The following PDE4D variants were observed in gnomAD, a reference collection of about 807,000 sequenced individuals.
PDE4D encodes phosphodiesterase 4D, also known as 3',5'-cyclic-AMP phosphodiesterase 4D.
PDE4D carries 24 observed loss-of-function variants against 87.4 expected under a neutral mutation model. That is an observed-to-expected ratio of 0.27 (90% CI 0.20 to 0.39). The LOEUF is 0.39. PDE4D is among the 10% of genes least tolerant of loss of function. PDE4D has a pLI of 1.00. For missense variants in PDE4D, 714 were observed against 1,041.0 expected, an observed-to-expected ratio of 0.69 and a Z score of 4.32; for synonymous variants, 384 against 383.2, an observed-to-expected ratio of 1.00 and a Z score of -0.02.
intron 1 of PDE4D, among the ~76,000 whole-genome samples, chr5:59,649,646 A>G (rs1429714338): frequency 6.6e-6 from 1 of 151,822 alleles, no homozygotes; most frequent in Non-Finnish European, 1.5e-5. Context: ...CGAAACAGGA[A>G]TAGTACCTTC....
chr5:59,755,243 G>A (rs1761054582), intron 1 of PDE4D, among the ~76,000 whole-genome samples: 1 of 152,056 alleles, frequency 6.6e-6, no homozygotes, highest in Non-Finnish European at 1.5e-5. Flanking sequence ...CAGACCTCAG[G>A]CTCAGAGTCT....
intron 1 of PDE4D, among the ~76,000 whole-genome samples, chr5:59,551,814 C>T (rs1046286118): frequency 3.9e-5 from 6 of 152,110 alleles, no homozygotes; most frequent in African/African-American, 1.2e-4. Flanking sequence ...TTAGTTAAGA[C>T]ATTTTTGTTT....
chr5:59,340,826 C>A (rs765324487), intron 1 of PDE4D, among the ~76,000 whole-genome samples: 1 of 152,116 alleles, frequency 6.6e-6, no homozygotes, highest in South Asian at 2.1e-4. Context: ...ATAATGACCT[C>A]CAGTTCCATC....
intron 1 of PDE4D, among the ~76,000 whole-genome samples, chr5:59,809,155 A>G (rs916390691): frequency 6.6e-6 from 1 of 152,212 alleles, no homozygotes; most frequent in Non-Finnish European, 1.5e-5. Context: ...GGAGTTGGAC[A>G]TTGCTAATGA....
At chr5:60,457,671 G>A (rs1483118133) in intron 1 of PDE4D, among the ~76,000 whole-genome samples, 2 of 152,144 alleles carry the variant, frequency 1.3e-5, no homozygotes, top group African/African-American at 4.8e-5. Flanking sequence ...TGAAGTCCTA[G>A]AATCCTAGAC....
At chr5:59,524,845 C>A (rs1812800620) in intron 1 of PDE4D, among the ~76,000 whole-genome samples, 1 of 152,208 alleles carries the variant, frequency 6.6e-6, no homozygotes, top group African/African-American at 2.4e-5. Context: ...AAGGTCCAAG[C>A]CTCAAGGCTT....
chr5:60,006,158 A>G (rs73759009), intron 2 of PDE4D, among the ~76,000 whole-genome samples: 23,989 of 151,770 alleles, frequency 0.16, 2,557 homozygotes, highest in African/African-American at 0.29. Context: ...AATATGGGTA[A>G]AGGTACAGAT....
chr5:59,001,246 A>AT (rs1430712352), intron 6 of PDE4D, among the ~76,000 whole-genome samples: 1 of 152,092 alleles, frequency 6.6e-6, no homozygotes, highest in African/African-American at 2.4e-5. Context: ...AATTCTGTGC[A>AT]TTTTACCTCC....
intron 1 of PDE4D, among the ~76,000 whole-genome samples, chr5:60,499,346 C>T (rs901773279): frequency 4.6e-5 from 7 of 152,178 alleles, no homozygotes; most frequent in Admixed American, 3.3e-4. Context: ...CAATAAGGAA[C>T]AGCTTATTTC....
At chr5:59,179,775 A>G in intron 5 of PDE4D, 1 of 297,848 alleles carries the variant, frequency 3.4e-6, no homozygotes, top group Non-Finnish European at 6.6e-6. Context: ...AGAATATGCT[A>G]ATTTTCTTCT....
intron 1 of PDE4D, among the ~76,000 whole-genome samples, chr5:59,886,061 C>T (rs1393392313): frequency 1.3e-5 from 2 of 152,066 alleles, no homozygotes; most frequent in African/African-American, 4.8e-5. Context: ...TGAGAGAGCA[C>T]AAACTAAAAA....
At position 58,990,785 on chromosome 5, in the gene PDE4D, T is replaced by C. The variant is rs1235538867; in HGVS notation, c.1287+19A>G. ...AAGTTCCTAAATAAAATAAATGTAA[T>C]AGAACTCAACCACCTTACCTGAAAA... On this transcript the variant is annotated intron_variant, in intron 9 of 14. Transcript: ENST00000340635. 1.5e-6 allele frequency: 2 copies of C among 1,297,868 alleles called. No individual in the cohort carries two copies. Among genetic ancestry groups the C allele is most frequent in the East Asian group, 2.4e-5 (1 of 41,806 alleles). The allele number at this position is 1,297,868 out of a possible 1,614,324, so 80.4% of individuals were successfully genotyped here.
At chr5:59,196,669 T>C (rs928210259) in intron 2 of PDE4D, among the ~76,000 whole-genome samples, 2 of 152,156 alleles carry the variant, frequency 1.3e-5, no homozygotes, top group African/African-American at 4.8e-5. Context: ...TTAGAGTTCA[T>C]TTGAAGCCAA....
chr5:59,563,498 G>A (rs1002336977), intron 1 of PDE4D, among the ~76,000 whole-genome samples: 6 of 152,204 alleles, frequency 3.9e-5, no homozygotes, highest in African/African-American at 1.4e-4. Context: ...TACAGGTTGT[G>A]AAGGAATTAT....
intron 3 of PDE4D, among the ~76,000 whole-genome samples, chr5:59,951,078 C>A (rs1053968792): frequency 6.6e-6 from 1 of 151,828 alleles, no homozygotes; most frequent in African/African-American, 2.4e-5. Context: ...AACAAACCTG[C>A]GTAAGAAAGA....
At chr5:59,234,061 A>T (rs1166090092) in intron 1 of PDE4D, among the ~76,000 whole-genome samples, 2 of 152,016 alleles carry the variant, frequency 1.3e-5, no homozygotes, top group African/African-American at 2.4e-5. Flanking sequence ...TTCTCTAATC[A>T]CCTCAAGTTG....
intron 3 of PDE4D, chr5:59,986,503 G>A (rs2152829353): frequency 6.6e-6 from 1 of 152,270 alleles, no homozygotes; most frequent in South Asian, 2.1e-4. Context: ...AAAGCTAATT[G>A]AATATATCAG....
chr5:59,646,769 C>A (rs1423900690), intron 1 of PDE4D, among the ~76,000 whole-genome samples: 2 of 152,130 alleles, frequency 1.3e-5, no homozygotes, highest in Non-Finnish European at 2.9e-5. Context: ...GGTGCGGTAG[C>A]TCACACCTGT....
chr5:59,153,639 C>A (rs1193104671), intron 5 of PDE4D, among the ~76,000 whole-genome samples: 1 of 152,162 alleles, frequency 6.6e-6, no homozygotes, highest in African/African-American at 2.4e-5. Context: ...GTCAGCTGAT[C>A]TTCCCTACTT....
Sources: allele counts gnomAD v4.1 joint callset (sites outside exome capture counted in the v4.1 genomes callset), GRCh38; gene constraint gnomAD v4.1.1; transcripts MANE v1.5; gene names NCBI Gene and HGNC (gene_info 2026-07-23, HGNC 2026-07-21).